Variants in FOXN3 observed in about 807,000 individuals in gnomAD.
FOXN3 encodes forkhead box N3, also known as forkhead box protein N3.
Under a neutral mutation model 38.4 loss-of-function variants are expected in FOXN3, and 7 were observed. That is an observed-to-expected ratio of 0.18 (90% confidence interval 0.10 to 0.34). The LOEUF (loss-of-function observed/expected upper bound fraction) is 0.34, where lower values mean the gene tolerates loss of function less well. Ranked by LOEUF, FOXN3 falls within the 10% of genes least tolerant of loss-of-function variation. FOXN3 has a pLI of 1.00. For missense variants in FOXN3, 456 were observed against 613.4 expected, an observed-to-expected ratio of 0.74 and a Z score of 2.71; for synonymous variants, 230 against 242.2, an observed-to-expected ratio of 0.95 and a Z score of 0.47.
chr14:89,580,726 T>C (rs1389642070), intron 1 of FOXN3, among the ~76,000 whole-genome samples: 1 of 152,242 alleles, frequency 6.6e-6, no homozygotes, highest in African/African-American at 2.4e-5. Context: ...TTGATGCAAG[T>C]TGAGGGCAAG....
chr14:89,539,262 A>G (rs1894750968), intron 1 of FOXN3, among the ~76,000 whole-genome samples: 1 of 152,348 alleles, frequency 6.6e-6, no homozygotes, highest in East Asian at 1.9e-4. Flanking sequence ...AAGGTTATGT[A>G]GTCAAATGGA....
In FOXN3 at chr14:89,595,221, A is replaced by G. The variant is rs368008506; in HGVS notation, c.-15+23807T>C. On this transcript the variant is annotated intron_variant, in intron 1 of 6. Coordinates refer to the FOXN3 transcript ENST00000345097. ...TCGCCTGTAGTCCCAGCTACTCAGG[A>G]GGCTGAGGCAGGAGAATGGTGTGAA... 2.6e-5 allele frequency among the ~76,000 whole-genome samples: 4 copies of G among 151,790 alleles called. No individual in the cohort carries two copies. In the South Asian group the frequency reaches 8.3e-4, roughly 32 times the overall value.
chr14:89,175,291 T>C (rs1265468619), intron 5 of FOXN3, among the ~76,000 whole-genome samples: 1 of 152,204 alleles, frequency 6.6e-6, no homozygotes, highest in Non-Finnish European at 1.5e-5. Flanking sequence ...TCTCATATAA[T>C]TTGGCAACAA....
intron 2 of FOXN3, among the ~76,000 whole-genome samples, chr14:89,377,019 T>TCAAAAAAAAAAAAAAA (rs1890497332): frequency 5.9e-5 from 1 of 17,016 alleles, no homozygotes; most frequent in Non-Finnish European, 1.2e-4. Context: ...AGACTCTGTC[T>TCAAAAAAAAAAAAAAA]CAAAAAAAAA....
At chr14:89,433,200 A>C (rs900603023) in intron 1 of FOXN3, among the ~76,000 whole-genome samples, 12 of 152,076 alleles carry the variant, frequency 7.9e-5, no homozygotes, top group Admixed American at 3.3e-4. Context: ...AAATACAAAA[A>C]TTGCTGGGCA....
chr14:89,555,838 GGTGTGTGTGTGTGTGT>G (rs201016882), intron 1 of FOXN3, among the ~76,000 whole-genome samples: 3 of 89,694 alleles, frequency 3.3e-5, no homozygotes, highest in African/African-American at 9.0e-5. Context: ...TCTAGTTCAT[GGTGTGTGTGTGTGTGT>G]GTGTGTGTGT....
chr14:89,458,175 G>C (rs1268484359), intron 1 of FOXN3, among the ~76,000 whole-genome samples: 1 of 152,088 alleles, frequency 6.6e-6, no homozygotes, highest in Non-Finnish European at 1.5e-5. Flanking sequence ...GGGAAGAGTG[G>C]CTCCCAGCAC....
At chr14:89,435,373 TA>T (rs763454392) in intron 1 of FOXN3, among the ~76,000 whole-genome samples, 2,000 of 131,210 alleles carry the variant, frequency 0.015, 21 homozygotes, top group African/African-American at 0.03. Flanking sequence ...CCCTGTCTCT[TA>T]AAAAAAAAAA....
chr14:89,325,080 G>A (rs558059586), intron 3 of FOXN3, among the ~76,000 whole-genome samples: 2 of 152,244 alleles, frequency 1.3e-5, no homozygotes, highest in African/African-American at 4.8e-5. Flanking sequence ...CATCTCAGGT[G>A]CTCAACAAGC....
intron 1 of FOXN3, among the ~76,000 whole-genome samples, chr14:89,504,225 C>A (rs1893861607): frequency 6.6e-6 from 1 of 152,224 alleles, no homozygotes; most frequent in Non-Finnish European, 1.5e-5. Context: ...CACCAACCCC[C>A]AGAAGACCAA....
intron 1 of FOXN3, among the ~76,000 whole-genome samples, chr14:89,569,235 C>T (rs80175540): frequency 0.036 from 5,450 of 151,882 alleles, 311 homozygotes; most frequent in African/African-American, 0.12. Context: ...TTTCCATTAT[C>T]CTACCCAGAC....
At chr14:89,455,512 G>A (rs76639450) in intron 1 of FOXN3, among the ~76,000 whole-genome samples, 4,454 of 152,290 alleles carry the variant, frequency 0.029, 200 homozygotes, top group African/African-American at 0.1. Flanking sequence ...TCAGTTCCAC[G>A]CAAGTTCCAC....
chr14:89,379,926 G>T (rs964561080), intron 2 of FOXN3, among the ~76,000 whole-genome samples: 1 of 152,202 alleles, frequency 6.6e-6, no homozygotes, highest in African/African-American at 2.4e-5. Flanking sequence ...CTCCCAAAGT[G>T]CTAGGGTGAC....
At chr14:89,481,313 G>A (rs1893322713) in intron 1 of FOXN3, among the ~76,000 whole-genome samples, 1 of 152,172 alleles carries the variant, frequency 6.6e-6, no homozygotes, top group South Asian at 2.1e-4. Flanking sequence ...ATCAGGGTAG[G>A]GAGTGGTGGC....
intron 4 of FOXN3, among the ~76,000 whole-genome samples, chr14:89,239,106 G>C (rs767793047): frequency 2.0e-5 from 3 of 152,116 alleles, no homozygotes; most frequent in Non-Finnish European, 4.4e-5. Context: ...AATTCACTCC[G>C]CCCCCCTCTT....
intron 2 of FOXN3, among the ~76,000 whole-genome samples, chr14:89,371,860 C>A (rs1370449407): frequency 1.3e-5 from 2 of 152,182 alleles, no homozygotes; most frequent in African/African-American, 2.4e-5. Context: ...ATTAGCCCAG[C>A]TACTTTCTCC....
At position 89,412,915 on chromosome 14, in the gene FOXN3, G is replaced by A. The variant is rs192469377; in HGVS notation, c.-14-425C>T. Among the ~76,000 whole-genome samples, 4 of 152,084 alleles carry A rather than the reference G, an allele frequency of 2.6e-5. No homozygotes were observed. In the East Asian group the frequency reaches 5.8e-4, roughly 22 times the overall value. ...AGCAAGTAACTTCAGGTACCACACA[G>A]AATACATGGGAATGTAAGATAAGCC... On this transcript the variant is annotated intron_variant, in intron 1 of 5. Transcript: ENST00000557258. This position sits in a 1 kb window ranked among gnomAD's most constrained non-coding sequence, Gnocchi z 4.7.
At chr14:89,181,092 G>A (rs1391790887) in intron 4 of FOXN3, among the ~76,000 whole-genome samples, 1 of 151,592 alleles carries the variant, frequency 6.6e-6, no homozygotes, top group Non-Finnish European at 1.5e-5. Context: ...ACACACACAC[G>A]GGGAAACAGA....
At chr14:89,338,757 C>G (rs1278414526) in intron 3 of FOXN3, among the ~76,000 whole-genome samples, 1 of 152,054 alleles carries the variant, frequency 6.6e-6, no homozygotes, top group Non-Finnish European at 1.5e-5. Context: ...TGCAGTGAGC[C>G]AAGATCATAC....
Sources: allele counts gnomAD v4.1 joint callset (sites outside exome capture counted in the v4.1 genomes callset), GRCh38; gene constraint gnomAD v4.1.1; non-coding constraint Gnocchi (gnomAD v3.1); transcripts MANE v1.5; gene names NCBI Gene and HGNC (gene_info 2026-07-23, HGNC 2026-07-21).